ERC1: variants seen among roughly 807,000 people sequenced by gnomAD.
The protein encoded by ERC1 is RAB6 interacting protein 2.
In ERC1, 56 loss-of-function variants were observed where a neutral mutation model predicts 132.0. The ratio of observed to expected loss-of-function variants is 0.42; its 90% CI spans 0.34 to 0.53. The LOEUF (loss-of-function observed/expected upper bound fraction) is 0.53, where lower values mean the gene tolerates loss of function less well. ERC1 is among the 20% of genes least tolerant of loss of function. The pLI, the probability that ERC1 is intolerant of heterozygous loss-of-function variation, is 0.03. For synonymous variants in ERC1, 478 were observed against 476.1 expected (o/e 1.00, Z -0.05); for missense variants, 1,202 against 1,349.9 (o/e 0.89, Z 1.72).
chr12:1,440,527 A>G (rs2093107172), intron 17 of ERC1, among the ~76,000 whole-genome samples: 1 of 142,118 alleles, frequency 7.0e-6, no homozygotes, highest in African/African-American at 2.6e-5. Context: ...TTTTTAATAG[A>G]GACAGAGTCT....
chr12:1,450,043 A>G (rs937869429), intron 18 of ERC1, among the ~76,000 whole-genome samples: 4 of 151,996 alleles, frequency 2.6e-5, no homozygotes, highest in African/African-American at 7.3e-5. Context: ...GTATACTTCT[A>G]TTTCCTTTGT....
intron 2 of ERC1, among the ~76,000 whole-genome samples, chr12:1,071,622 C>A (rs1940375073): frequency 6.6e-6 from 1 of 151,794 alleles, no homozygotes; most frequent in South Asian, 2.1e-4. Flanking sequence ...TTATATGTGG[C>A]ATGCCAATTT....
intron 15 of ERC1, among the ~76,000 whole-genome samples, chr12:1,309,189 G>A (rs908692341): frequency 5.9e-5 from 9 of 152,162 alleles, no homozygotes; most frequent in East Asian, 1.9e-4. Flanking sequence ...AAGATACACC[G>A]CAACCATCAA....
intron 8 of ERC1, among the ~76,000 whole-genome samples, chr12:1,153,543 A>G (rs1457337788): frequency 6.6e-6 from 1 of 152,232 alleles, no homozygotes; most frequent in Non-Finnish European, 1.5e-5. Context: ...TCAACAGCTC[A>G]CAGTTTTCCT....
intron 15 of ERC1, among the ~76,000 whole-genome samples, chr12:1,327,841 A>ATTT (rs113400728): frequency 6.8e-6 from 1 of 146,878 alleles, no homozygotes; most frequent in Non-Finnish European, 1.5e-5. Flanking sequence ...TCATCTCATC[A>ATTT]TTTTTTTTTT....
chr12:1,112,098 G>T, intron 5 of ERC1, 117 bp from the exon 6 acceptor site: 2 of 688,902 alleles, frequency 2.9e-6, no homozygotes, highest in East Asian at 2.7e-5. Context: ...GAGGGGAACA[G>T]ATTTGATTGT....
At chr12:1,347,150 T>C (rs887906068) in intron 15 of ERC1, among the ~76,000 whole-genome samples, 11 of 152,184 alleles carry the variant, frequency 7.2e-5, no homozygotes, top group East Asian at 3.8e-4. Flanking sequence ...AAATGCATCA[T>C]TGAAATACTA....
chr12:1,464,519 T>C (rs2093703575), intron 18 of ERC1, among the ~76,000 whole-genome samples: 1 of 132,908 alleles, frequency 7.5e-6, no homozygotes, highest in Non-Finnish European at 1.6e-5. Flanking sequence ...GCCTTTTTTT[T>C]TTTTTTTTTT....
intron 3 of ERC1, among the ~76,000 whole-genome samples, chr12:1,094,262 T>A (rs1235925951): frequency 6.6e-6 from 1 of 151,200 alleles, no homozygotes; most frequent in Non-Finnish European, 1.5e-5. Context: ...CAAGTGATCC[T>A]CCCGGCTCGG....
intron 16 of ERC1, among the ~76,000 whole-genome samples, chr12:1,374,941 A>G: frequency 6.6e-6 from 1 of 151,720 alleles, no homozygotes; most frequent in Non-Finnish European, 1.5e-5. Flanking sequence ...TACAACTACA[A>G]TTTTGTAATC....
intron 7 of ERC1, among the ~76,000 whole-genome samples, chr12:1,122,571 G>GTCTCTATCTCTA (rs1308276927): frequency 9.7e-4 from 4 of 4,114 alleles, no homozygotes; most frequent in African/African-American, 3.5e-3. Flanking sequence ...CTCTATCTGT[G>GTCTCTATCTCTA]TCTCTATCTC....
chr12:997,988 T>TTGGC (rs1354835935), intron 1 of ERC1, among the ~76,000 whole-genome samples: 7 of 152,256 alleles, frequency 4.6e-5, no homozygotes, highest in Non-Finnish European at 8.8e-5. Flanking sequence ...TGGCTTGTTA[T>TTGGC]CATCATTTAA....
At chr12:1,352,488 T>G (rs2085092164) in intron 15 of ERC1, among the ~76,000 whole-genome samples, 1 of 152,244 alleles carries the variant, frequency 6.6e-6, no homozygotes, top group Non-Finnish European at 1.5e-5. Flanking sequence ...CATGTATAGT[T>G]TATGTATTTA....
At chr12:1,440,047 G>A (rs539544283) in intron 17 of ERC1, among the ~76,000 whole-genome samples, 2 of 152,280 alleles carry the variant, frequency 1.3e-5, no homozygotes, top group African/African-American at 2.4e-5. Flanking sequence ...TATTTTGGGA[G>A]TATTTGTGGT....
chr12:1,437,967 C>T (rs1173189616), intron 17 of ERC1, among the ~76,000 whole-genome samples: 1 of 152,150 alleles, frequency 6.6e-6, no homozygotes, highest in Non-Finnish European at 1.5e-5. Flanking sequence ...CAATCTGAAA[C>T]CTTTGGAGAG....
chr12:1,216,733 C>T (rs182063551), intron 12 of ERC1, among the ~76,000 whole-genome samples: 1 of 152,024 alleles, frequency 6.6e-6, no homozygotes, highest in Non-Finnish European at 1.5e-5. Flanking sequence ...CAGACTAGTA[C>T]GTTACTTTTC....
chr12:1,146,775 A>ACCCCCC (rs142725193), intron 8 of ERC1, among the ~76,000 whole-genome samples: 1 of 142,320 alleles, frequency 7.0e-6, no homozygotes, highest in African/African-American at 2.8e-5. Context: ...CCCTCCCCCA[A>ACCCCCC]CCCCCACCCC....
chr12:1,056,046 CATTA>C (rs993893505), intron 2 of ERC1, among the ~76,000 whole-genome samples: 9 of 145,784 alleles, frequency 6.2e-5, no homozygotes, highest in African/African-American at 1.5e-4. Flanking sequence ...CTGTGGAAAA[CATTA>C]ATTGTTACTT....
intron 2 of ERC1, among the ~76,000 whole-genome samples, chr12:1,033,813 A>G (rs1317372106): frequency 6.6e-6 from 1 of 152,020 alleles, no homozygotes; most frequent in East Asian, 1.9e-4. Flanking sequence ...GTATTTTAGT[A>G]GAGACGGGAT....
Sources: gnomAD v4.1 joint callset for allele counts (sites outside exome capture counted in the v4.1 genomes callset) on GRCh38, gnomAD v4.1.1 for gene constraint, MANE v1.5 for transcripts, NCBI Gene and HGNC (gene_info 2026-07-23, HGNC 2026-07-21) for gene names.